Variants in LRRC7 observed in about 807,000 individuals in gnomAD.
LRRC7 encodes the protein leucine-rich repeat-containing protein 7.
Under a neutral mutation model 175.7 loss-of-function variants are expected in LRRC7, and 23 were observed. The observed-to-expected ratio is 0.13, with a 90% CI of 0.09 to 0.19. The LOEUF is 0.19. Among genes scored for constraint, LRRC7 ranks in the 10% least tolerant of loss-of-function variants. The probability of loss-of-function intolerance (pLI) is 1.00; values close to 1 mark genes in which losing one functional copy is unlikely to be tolerated. For missense variants in LRRC7, 1,354 were observed against 1,904.7 expected (o/e 0.71, Z 5.38); for synonymous variants, 685 against 680.9 (o/e 1.01, Z -0.09).
intron 1 of LRRC7, among the ~76,000 whole-genome samples, chr1:69,664,281 T>A (rs972088013): frequency 2.0e-5 from 3 of 152,236 alleles, no homozygotes; most frequent in African/African-American, 7.2e-5. Context: ...CAGATATCTT[T>A]TTGATAGACT....
chr1:69,589,008 T>C (rs903973917), intron 1 of LRRC7, among the ~76,000 whole-genome samples: 3 of 151,446 alleles, frequency 2.0e-5, no homozygotes, highest in East Asian at 1.9e-4. Context: ...TGTGTGTGTG[T>C]GCGTGCATGT....
chr1:69,919,813 C>G (rs1049264249), intron 7 of LRRC7: 1 of 771,266 alleles, frequency 1.3e-6, no homozygotes, highest in Non-Finnish European at 2.2e-6. Flanking sequence ...CGGATTCCGG[C>G]ATCCACGTCA....
intron 1 of LRRC7, among the ~76,000 whole-genome samples, chr1:69,576,931 T>C (rs576553534): frequency 1.3e-5 from 2 of 152,326 alleles, no homozygotes; most frequent in East Asian, 3.9e-4. Flanking sequence ...AAATAATACC[T>C]GTTTTATCTT....
chr1:69,787,327 C>T (rs896292541), intron 3 of LRRC7, among the ~76,000 whole-genome samples: 19 of 152,170 alleles, frequency 1.2e-4, no homozygotes, highest in African/African-American at 2.4e-5. Context: ...ATCTACCATT[C>T]TGGGGTCTGG....
rs1468486815 is a variant in LRRC7 at position 70,135,259 on chromosome 1, A to C, written c.*13372A>C. 1.3e-5 allele frequency among the ~76,000 whole-genome samples: 2 copies of C among 152,178 alleles called. No individual in the cohort carries two copies. Among genetic ancestry groups the C allele is most frequent in the Non-Finnish European group, 2.9e-5 (2 of 68,026 alleles). On this transcript the variant is annotated 3_prime_UTR_variant, in exon 27 of 27. Coordinates refer to ENST00000651989, the MANE Select transcript of LRRC7 (RefSeq NM_001370785.2). ...CAGTGCTTGCTATCCAGCCACTAGC[A>C]TAGTTCCCCAGGAGCAGGCTATGAT...
chr1:69,980,274 C>T lies in LRRC7; in HGVS notation c.712-105C>T, dbSNP rs1170938486. On this transcript the variant is annotated intron_variant, in intron 8 of 26. Coordinates refer to ENST00000651989, the MANE Select transcript of LRRC7 (RefSeq NM_001370785.2). Reference sequence around the variant, plus strand: ...TTCTTAGATGCTTAACACTAGATTCCCAAATAAAAGCTCAAGATCCAAGAA... The same window carrying T: ...TTCTTAGATGCTTAACACTAGATTCTCAAATAAAAGCTCAAGATCCAAGAA... 7.0e-6 allele frequency: 7 copies of T among 1,004,934 alleles called. No homozygotes were observed. The East Asian group carries it at 9.8e-5, about 14-fold the overall frequency. 62.3% of individuals were successfully genotyped at this position (1,004,934 alleles called of 1,614,324 possible). A position where few individuals can be genotyped will look rare whatever the true frequency, so the allele number is the denominator to read the frequency against.
At chr1:70,088,897 T>TC in intron 24 of LRRC7, among the ~76,000 whole-genome samples, 1 of 152,236 alleles carries the variant, frequency 6.6e-6, no homozygotes, top group East Asian at 1.9e-4. Context: ...ATGCCATCAT[T>TC]CCCCCATACT....
chr1:69,788,156 A>T (rs139891958), intron 3 of LRRC7, among the ~76,000 whole-genome samples: 1 of 152,162 alleles, frequency 6.6e-6, no homozygotes, highest in Non-Finnish European at 1.5e-5. Flanking sequence ...GAGTCCAAGC[A>T]GTCTTCTATC....
intron 24 of LRRC7, among the ~76,000 whole-genome samples, chr1:70,078,170 A>G (rs1662923076): frequency 6.6e-6 from 1 of 152,210 alleles, no homozygotes; most frequent in East Asian, 1.9e-4. Flanking sequence ...ATGTGACAAA[A>G]TATCACATGC....
In LRRC7 at chr1:70,133,137, A is replaced by T. The variant is rs924559468; in HGVS notation, c.*11250A>T. ...TCAGAAGAGCCACCACTAGATGGAG[A>T]CCTCATATCTACATTTTAAATCCCA... On this transcript the variant is annotated 3_prime_UTR_variant, in exon 27 of 27. Coordinates refer to ENST00000651989, the MANE Select transcript of LRRC7 (RefSeq NM_001370785.2). Among the ~76,000 whole-genome samples the T allele has an allele frequency of 1.3e-5, 2 of 151,980 alleles. No homozygotes were observed. Among genetic ancestry groups the T allele is most frequent in the South Asian group, 4.2e-4 (2 of 4,802 alleles).
At chr1:70,022,197 A>G (rs930377933) in intron 16 of LRRC7, 1 of 152,202 alleles carries the variant, frequency 6.6e-6, no homozygotes, top group Non-Finnish European at 1.5e-5. Flanking sequence ...CTGTCTAACA[A>G]CCAAAGAGAC....
At chr1:69,671,737 G>C (rs975843408) in intron 1 of LRRC7, among the ~76,000 whole-genome samples, 3 of 152,100 alleles carry the variant, frequency 2.0e-5, no homozygotes, top group African/African-American at 4.8e-5. Flanking sequence ...CTCTGTGGTC[G>C]GGCATCAGCT....
At chr1:69,568,742 GC>G in intron 1 of LRRC7, 101 bp downstream of exon 1, 2 of 831,204 alleles carry the variant, frequency 2.4e-6, no homozygotes, top group Non-Finnish European at 3.1e-6. Flanking sequence ...CCGGCCGGGG[GC>G]GGGGGTGGCA....
At chr1:69,904,500 T>C (rs1435911102) in intron 7 of LRRC7, among the ~76,000 whole-genome samples, 2 of 152,002 alleles carry the variant, frequency 1.3e-5, no homozygotes, top group Admixed American at 6.6e-5. Context: ...GAAAGTTAAA[T>C]GTGGGGAGGA....
intron 8 of LRRC7, among the ~76,000 whole-genome samples, chr1:69,959,583 C>T (rs925165329): frequency 2.6e-5 from 4 of 152,092 alleles, no homozygotes; most frequent in Admixed American, 6.6e-5. Flanking sequence ...GAACATAGAT[C>T]GTTTATTTTG....
intron 2 of LRRC7, among the ~76,000 whole-genome samples, chr1:69,712,467 G>A (rs1048121547): frequency 2.2e-4 from 34 of 152,082 alleles, no homozygotes; most frequent in African/African-American, 8.0e-4. Context: ...AGCCAGGCTT[G>A]GTGGTGGGCG....
intron 7 of LRRC7, among the ~76,000 whole-genome samples, chr1:69,845,252 A>C (rs1456813663): frequency 6.6e-6 from 1 of 152,124 alleles, no homozygotes; most frequent in Non-Finnish European, 1.5e-5. Context: ...CCCTCTCTCA[A>C]ATAAATAAAT....
At chr1:69,799,386 A>G (rs1676195397) in intron 4 of LRRC7, among the ~76,000 whole-genome samples, 1 of 151,898 alleles carries the variant, frequency 6.6e-6, no homozygotes, top group Middle Eastern at 3.2e-3. Flanking sequence ...TGAGTCTTCT[A>G]TGTCTATTAA....
At chr1:69,986,724 G>A (rs1653965399) in intron 10 of LRRC7, among the ~76,000 whole-genome samples, 1 of 152,108 alleles carries the variant, frequency 6.6e-6, no homozygotes, top group African/African-American at 2.4e-5. Flanking sequence ...CTTATATTAT[G>A]ATAGAATTAC....
Sources: allele counts gnomAD v4.1 joint callset (sites outside exome capture counted in the v4.1 genomes callset), GRCh38; gene constraint gnomAD v4.1.1; transcripts MANE v1.5; gene names NCBI Gene and HGNC (gene_info 2026-07-23, HGNC 2026-07-21).